ADAMTS14: variants seen among roughly 807,000 people sequenced by gnomAD.
ADAMTS14 encodes ADAM metallopeptidase with thrombospondin type 1 motif 14.
Under a neutral mutation model 128.6 loss-of-function variants are expected in ADAMTS14, and 100 were observed. The ratio of observed to expected loss-of-function variants is 0.78; its 90% CI spans 0.66 to 0.92. The LOEUF (loss-of-function observed/expected upper bound fraction) is 0.92. Among genes scored for constraint, ADAMTS14 ranks in the 40% least tolerant of loss-of-function variants. ADAMTS14 has a pLI of 0.00. For missense variants in ADAMTS14, 1,562 were observed against 1,658.6 expected, an observed-to-expected ratio of 0.94 and a Z score of 1.01; for synonymous variants, 665 against 653.8, an observed-to-expected ratio of 1.02 and a Z score of -0.26.
At chr10:70,688,377 T>C (rs2132556332) in intron 2 of ADAMTS14, among the ~76,000 whole-genome samples, 1 of 94,122 alleles carries the variant, frequency 1.1e-5, no homozygotes, top group African/African-American at 3.5e-5. Context: ...GCTCCTCACT[T>C]TCCAGACTGG....
rs1842087249 is a variant in ADAMTS14, at chr10:70,743,916, C to T, written c.2059-150C>T. The T allele has an allele frequency of 9.0e-6, 11 of 1,221,732 alleles. No homozygotes were observed. The East Asian group carries it at 1.6e-4, about 17-fold the overall frequency. The allele number at this position is 1,221,732 out of a possible 1,614,324, so 75.7% of individuals were successfully genotyped here. ...CCGGGTGTAAGACCTCACCCAGGTC[C>T]CACGGTGAATTCGTGCCAGAATCCT... is the stretch of plus-strand genomic sequence containing the variant. On this transcript the variant is annotated intron_variant, in intron 13 of 21. Coordinates refer to ENST00000373207, the MANE Select transcript of ADAMTS14 (RefSeq NM_080722.4).
At chr10:70,684,166 T>C (rs1198793933) in intron 2 of ADAMTS14, among the ~76,000 whole-genome samples, 1 of 151,656 alleles carries the variant, frequency 6.6e-6, no homozygotes, top group Non-Finnish European at 1.5e-5. Flanking sequence ...AGGGGGGTGC[T>C]ACACACTTTT....
At chr10:70,736,133 G>C (rs184854555) in intron 9 of ADAMTS14, among the ~76,000 whole-genome samples, 1 of 152,226 alleles carries the variant, frequency 6.6e-6, no homozygotes, top group East Asian at 1.9e-4. Context: ...TGCTTGTCTG[G>C]CTGGCAGGGG....
chr10:70,741,295 C>A, intron 12 of ADAMTS14, 133 bp downstream of exon 12: 2 of 1,094,290 alleles, frequency 1.8e-6, no homozygotes, highest in East Asian at 2.6e-5. Context: ...AAAAGGGACA[C>A]TGAAGTCAGC....
chr10:70,710,676 A>T (rs1840824321), intron 4 of ADAMTS14, among the ~76,000 whole-genome samples: 1 of 152,174 alleles, frequency 6.6e-6, no homozygotes, highest in Non-Finnish European at 1.5e-5. Context: ...CGAGTTACGA[A>T]CCCTCTGGTG....
chr10:70,761,100 G>T lies in ADAMTS14; in HGVS notation c.*247G>T. The T allele has an allele frequency of 2.0e-6, 1 of 490,672 alleles. No individual in the cohort carries two copies. The highest frequency in any genetic ancestry group is 3.4e-5 in the East Asian group (1 of 29,338). 30.4% of individuals were successfully genotyped at this position (490,672 alleles called of 1,614,324 possible). ...CCCCCGGCGGGACTGACCCTCTCAG[G>T]GCCCCTGTTGGTCTCCCCTGCCAAG... On this transcript the variant is annotated 3_prime_UTR_variant, in exon 22 of 22. Coordinates refer to ENST00000373207, the MANE Select transcript of ADAMTS14 (RefSeq NM_080722.4).
At chr10:70,674,180 G>A (rs894373948) in intron 1 of ADAMTS14, among the ~76,000 whole-genome samples, 3 of 152,182 alleles carry the variant, frequency 2.0e-5, no homozygotes, top group Non-Finnish European at 4.4e-5. Context: ...TGGGGAGTTT[G>A]GGCAGATCTG....
At position 70,745,143 on chromosome 10, in the gene ADAMTS14, G is replaced by A. The variant is rs923094965; in HGVS notation, c.2183-83G>A. Reference sequence around the variant, plus strand: ...GTGATCAAATGAGATGTTCCTGGGTGCCCAGTGAGGGAGTGGGGGACGCTG... The same window carrying A: ...GTGATCAAATGAGATGTTCCTGGGTACCCAGTGAGGGAGTGGGGGACGCTG... On this transcript the variant is annotated intron_variant, in intron 14 of 21. Coordinates refer to ENST00000373207, the MANE Select transcript of ADAMTS14 (RefSeq NM_080722.4). 7.1e-6 allele frequency: 9 copies of A among 1,271,862 alleles called. No individual in the cohort carries two copies. The East Asian group carries it at 1.9e-4, about 26-fold the overall frequency. The allele number at this position is 1,271,862 out of a possible 1,614,324, so 78.8% of individuals were successfully genotyped here.
At chr10:70,732,436 T>A (rs1841674447) in intron 7 of ADAMTS14, 77 bp downstream of exon 7, 1 of 1,351,596 alleles carries the variant, frequency 7.4e-7, no homozygotes, top group African/African-American at 1.4e-5. Context: ...TGTGGGAGGA[T>A]TTGCCCAGCT....
intron 2 of ADAMTS14, among the ~76,000 whole-genome samples, chr10:70,684,998 T>C (rs1839915036): frequency 6.6e-6 from 1 of 152,266 alleles, no homozygotes; most frequent in Admixed American, 6.5e-5. Flanking sequence ...AAGCCAGACA[T>C]CACCTCACTG....
At chr10:70,688,662 T>C (rs1376366317) in intron 2 of ADAMTS14, among the ~76,000 whole-genome samples, 1 of 113,154 alleles carries the variant, frequency 8.8e-6, no homozygotes, top group Non-Finnish European at 2.0e-5. Flanking sequence ...GGTTAGGGGC[T>C]GGAGACTGGC....
At chr10:70,726,443 C>G (rs1841429198) in intron 4 of ADAMTS14, among the ~76,000 whole-genome samples, 1 of 152,224 alleles carries the variant, frequency 6.6e-6, no homozygotes, top group Admixed American at 6.5e-5. Context: ...CAGCAGATGC[C>G]CCCGCTGAAT....
chr10:70,693,978 C>T (rs1349536456), intron 2 of ADAMTS14, among the ~76,000 whole-genome samples: 1 of 152,230 alleles, frequency 6.6e-6, no homozygotes, highest in African/African-American at 2.4e-5. Context: ...AGCTTTCAGC[C>T]CCATCCTCCA....
At chr10:70,707,584 G>A (rs557945824) in intron 3 of ADAMTS14, among the ~76,000 whole-genome samples, 4 of 152,286 alleles carry the variant, frequency 2.6e-5, no homozygotes, top group South Asian at 2.1e-4. Flanking sequence ...GACTGACAGC[G>A]CTCAAGTTGT....
At chr10:70,704,187 T>TGGCTGA (rs1255018397) in intron 3 of ADAMTS14, among the ~76,000 whole-genome samples, 2 of 152,146 alleles carry the variant, frequency 1.3e-5, no homozygotes, top group Non-Finnish European at 2.9e-5. Flanking sequence ...TCTCCAGCTG[T>TGGCTGA]GGCTGAGGCT....
intron 19 of ADAMTS14, 117 bp from the exon 20 acceptor site, chr10:70,757,845 T>C: frequency 1.4e-6 from 2 of 1,445,576 alleles, no homozygotes; most frequent in Non-Finnish European, 9.2e-7. Context: ...GGTGCTCTCC[T>C]TTGTACCCTT....
chr10:70,758,327 TCA>T (rs1282349329), intron 21 of ADAMTS14, 42 bp downstream of exon 21: 3 of 1,557,542 alleles, frequency 1.9e-6, no homozygotes. Flanking sequence ...CCCAGACCTT[TCA>T]GTGGCCCTGG....
At position 70,745,281 on chromosome 10, in the gene ADAMTS14, A is replaced by AAG; in HGVS notation, c.2238_2239insAG (p.Leu747SerfsTer11). 6.2e-7 allele frequency: 1 copy of AAG among 1,612,650 alleles called. No homozygotes were observed. Among genetic ancestry groups the AAG allele is most frequent in the Non-Finnish European group, 8.5e-7 (1 of 1,179,988 alleles). On this transcript the variant is annotated frameshift_variant, in exon 15 of 22. Coordinates refer to ENST00000373207, the MANE Select transcript of ADAMTS14 (RefSeq NM_080722.4). Reference sequence around the variant, plus strand: ...GTGCCAGGCACATCCAGATTGAGGCACTGGAGAAGTCCCCCCACCGCATTG... The same window carrying AAG: ...GTGCCAGGCACATCCAGATTGAGGCAAGCTGGAGAAGTCCCCCCACCGCATTG...
chr10:70,686,875 G>A (rs1338731860), intron 2 of ADAMTS14, among the ~76,000 whole-genome samples: 2 of 92,002 alleles, frequency 2.2e-5, no homozygotes, highest in African/African-American at 3.7e-5. Context: ...GCTGGGCGGG[G>A]GGGGCTGACC....
Sources: gnomAD v4.1 joint callset for allele counts (sites outside exome capture counted in the v4.1 genomes callset) on GRCh38, gnomAD v4.1.1 for gene constraint, MANE v1.5 for transcripts, NCBI Gene and HGNC (gene_info 2026-07-23, HGNC 2026-07-21) for gene names.